Variants in ZNF223 observed in about 807,000 individuals in gnomAD.
ZNF223 encodes zinc finger protein 223, also known as Homo sapiens zinc finger protein 223.
In ZNF223, 9 loss-of-function variants were observed where a neutral mutation model predicts 12.3. The observed-to-expected ratio is 0.73, with a 90% CI of 0.44 to 1.28. The LOEUF (loss-of-function observed/expected upper bound fraction) is 1.28. ZNF223 is among the 50% of genes most tolerant of loss of function. The pLI is 0.00. For missense variants in ZNF223, 506 were observed against 579.0 expected, an observed-to-expected ratio of 0.87 and a Z score of 1.29; for synonymous variants, 171 against 195.2, an observed-to-expected ratio of 0.88 and a Z score of 1.03.
At chr19:44,061,060 A>G (rs1976832426) in intron 4 of ZNF223, 3 of 499,504 alleles carry the variant, frequency 6.0e-6, no homozygotes, top group African/African-American at 1.9e-5. Context: ...TCAGATTGTC[A>G]TTCCTCAGCT....
rs1363652779 is a variant in ZNF223 at position 44,067,859 on chromosome 19, C to G, written c.*582C>G. The G allele has an allele frequency of 1.1e-5, 2 of 182,374 alleles. No individual in the cohort carries two copies. Among genetic ancestry groups the G allele is most frequent in the African/African-American group, 4.8e-5 (2 of 42,040 alleles). 11.3% of individuals were successfully genotyped at this position (182,374 alleles called of 1,614,324 possible). ...ATGTGTCTTTGTATTTTTGCTGCAT[C>G]CTTACATTGCTTGAGTCTGGAAGAT... On this transcript the variant is annotated 3_prime_UTR_variant, in exon 5 of 5. Transcript: ENST00000434772.
intron 4 of ZNF223, among the ~76,000 whole-genome samples, chr19:44,061,919 T>C (rs1364431789): frequency 6.6e-6 from 1 of 152,242 alleles, no homozygotes; most frequent in Non-Finnish European, 1.5e-5. Flanking sequence ...AATACCATCC[T>C]ATCTTTACTT....
chr19:44,053,672 C>T (rs1189420855), intron 1 of ZNF223, among the ~76,000 whole-genome samples: 4 of 152,142 alleles, frequency 2.6e-5, no homozygotes, highest in Non-Finnish European at 5.9e-5. Context: ...CAGCACAGAC[C>T]CCTTATGGGT....
rs1599872389 is a variant in ZNF223 at position 44,066,577 on chromosome 19, A to C, written c.749A>C (p.His250Pro). 2.5e-6 allele frequency: 4 copies of C among 1,614,212 alleles called. No individual in the cohort carries two copies. The highest frequency in any genetic ancestry group is 3.4e-6 in the Non-Finnish European group (4 of 1,180,022). The stretch of plus-strand genomic sequence containing the variant: ...AGATGTAGATCAGCACTTACAGTTC[A>C]TTGCAAATTACACATGGGAGAGAAA... ...GFRCRSALTV[H>P]CKLHMGEKHY... is the part of the protein sequence containing the mutation. The change falls in exon 5 of 5, where the codon CAT becomes CCT. Residue 250 changes from histidine (H) to proline (P), a missense_variant. Physicochemically the swap from His to Pro is moderately conservative, Grantham distance 77. Coordinates refer to ENST00000434772, the MANE Select transcript of ZNF223 (RefSeq NM_013361.6).
rs140718832 is a variant in ZNF223, at chr19:44,067,674, G to A, written c.*397G>A. 1.0e-4 allele frequency: 40 copies of A among 382,686 alleles called. No homozygotes were observed. The highest frequency in any genetic ancestry group is 6.2e-4 in the African/African-American group (30 of 48,374). 23.7% of individuals were successfully genotyped at this position (382,686 alleles called of 1,614,324 possible). The stretch of plus-strand genomic sequence containing the variant: ...CATAGCTCAGCATACCCCAGTGGTC[G>A]TGGGACTGTCAGAGCAGAGAATGCT... On this transcript the variant is annotated 3_prime_UTR_variant, in exon 5 of 5. Coordinates refer to ENST00000434772, the MANE Select transcript of ZNF223 (RefSeq NM_013361.6).
At chr19:44,062,693 C>T (rs1477048714) in intron 4 of ZNF223, among the ~76,000 whole-genome samples, 1 of 151,950 alleles carries the variant, frequency 6.6e-6, no homozygotes, top group Non-Finnish European at 1.5e-5. Context: ...TTCCCTGGGA[C>T]CTACCCTGGA....
At chr19:44,063,731 C>G (rs1976871323) in intron 4 of ZNF223, among the ~76,000 whole-genome samples, 2 of 152,178 alleles carry the variant, frequency 1.3e-5, no homozygotes, top group Admixed American at 1.3e-4. Flanking sequence ...TCTCTGCTCA[C>G]CGCTCAGCGA....
intron 1 of ZNF223, among the ~76,000 whole-genome samples, chr19:44,053,802 C>A (rs944757732): frequency 3.3e-5 from 5 of 152,224 alleles, no homozygotes; most frequent in African/African-American, 1.2e-4. Flanking sequence ...CTGTGGCCTT[C>A]CGCAGTGTAT....
chr19:44,060,498 A>T lies in ZNF223; in HGVS notation c.59A>T (p.Glu20Val). 1 of 1,614,124 alleles carries T rather than the reference A, an allele frequency of 6.2e-7. No individual in the cohort carries two copies. Among genetic ancestry groups the T allele is most frequent in the Non-Finnish European group, 8.5e-7 (1 of 1,180,008 alleles). The change falls in exon 3 of 5, where the codon GAG (glutamate) becomes GTG (valine). Residue 20 changes from glutamate (E) to valine (V), a missense_variant. Coordinates refer to ENST00000434772, the MANE Select transcript of ZNF223 (RefSeq NM_013361.6). ...GATGTGGCAGTGGTCTTCACTGAGGAGGAGCTGGGGCTGCTGGACCTTGCC... is the reference window on the plus strand; with the variant it reads ...GATGTGGCAGTGGTCTTCACTGAGGTGGAGCTGGGGCTGCTGGACCTTGCC... ...FKDVAVVFTE[E>V]ELGLLDLAQR...
In ZNF223 at chr19:44,066,069, A is replaced by C; in HGVS notation, c.241A>C (p.Lys81Gln). The C allele has an allele frequency of 6.3e-7, 1 of 1,586,364 alleles. No individual in the cohort carries two copies. The highest frequency in any genetic ancestry group is 1.2e-5 in the South Asian group (1 of 86,050). Residue 81 changes from lysine (K) to glutamine (Q), a missense_variant, in exon 5 of 5, where the codon AAG becomes CAG. Lys to Gln is a moderately conservative substitution (Grantham distance 53). Coordinates refer to ENST00000434772, the MANE Select transcript of ZNF223 (RefSeq NM_013361.6). ...ATQREGNSGGKIQPEMKTFPE... is the reference protein window; with the variant it reads ...ATQREGNSGGQIQPEMKTFPE... ...TTAATTTTGTATTCTGATAGGAGGCAAGATCCAACCTGAGATGAAGACTTT... is the reference window on the plus strand; with the variant it reads ...TTAATTTTGTATTCTGATAGGAGGCCAGATCCAACCTGAGATGAAGACTTT...
At chr19:44,053,941 CAT>C (rs1301918588) in intron 1 of ZNF223, among the ~76,000 whole-genome samples, 2 of 152,210 alleles carry the variant, frequency 1.3e-5, no homozygotes, top group Non-Finnish European at 1.5e-5. Flanking sequence ...CAATACAACA[CAT>C]GTTTCTGCGA....
At chr19:44,055,237 C>T in intron 2 of ZNF223, 46 bp downstream of exon 2, 2 of 1,606,102 alleles carry the variant, frequency 1.2e-6, no homozygotes, top group Non-Finnish European at 1.7e-6. Context: ...CATCTCACTA[C>T]TCAGATTGTT....
chr19:44,061,005 T>A, intron 4 of ZNF223, 164 bp downstream of exon 4: 1 of 632,986 alleles, frequency 1.6e-6, no homozygotes, highest in Non-Finnish European at 2.8e-6. Flanking sequence ...CACTCTGACA[T>A]CTGTTCTCCT....
rs373333729 is a variant in ZNF223 at position 44,061,133 on chromosome 19, G to A, written c.235+292G>A. On this transcript the variant is annotated intron_variant, in intron 4 of 4. Transcript: ENST00000434772. Reference sequence around the variant, plus strand: ...CTTTAAGTTGCTTCTAGAAACCCCTGTGGTCTACTCTTCATTTTTCACTGC... The same window carrying A: ...CTTTAAGTTGCTTCTAGAAACCCCTATGGTCTACTCTTCATTTTTCACTGC... 6.6e-5 allele frequency among the ~76,000 whole-genome samples: 10 copies of A among 152,192 alleles called. No individual in the cohort carries two copies. In the South Asian group the frequency reaches 1.5e-3, roughly 22 times the overall value.
chr19:44,057,032 G>T (rs933890392), intron 2 of ZNF223, among the ~76,000 whole-genome samples: 7 of 152,116 alleles, frequency 4.6e-5, no homozygotes, highest in African/African-American at 1.4e-4. Flanking sequence ...TTGGAACAAA[G>T]AATACTAAAA....
rs145320117 is a variant in ZNF223 at position 44,067,254 on chromosome 19, T to G, written c.1426T>G (p.Ser476Ala). The G allele has an allele frequency of 7.2e-5, 116 of 1,607,828 alleles. No individual in the cohort carries two copies. The highest frequency in any genetic ancestry group is 1.0e-4 in the Admixed American group (6 of 58,606). ...GCGCTTGAATCTTGATATAATTTTA[T>G]CATTATTTTTAAATGACACGTAAGT... ...KRRLNLDIIL[S>A]LFLNDT Residue 476 changes from serine (S) to alanine (A), a missense_variant, in exon 5 of 5, where the codon TCA (serine) becomes GCA (alanine). Physicochemically the swap from Ser to Ala is moderately conservative, Grantham distance 99. Transcript: ENST00000434772.
Position 44,067,739 on chromosome 19 carries a change from C to A in ZNF223, c.*462C>A. ...AGAAGTTTGACAATTAGTTATTATT[C>A]AGGAGACAGGTCTTAGTATAAGAGT... is the stretch of plus-strand genomic sequence containing the variant. On this transcript the variant is annotated 3_prime_UTR_variant, in exon 5 of 5. Coordinates refer to ENST00000434772, the MANE Select transcript of ZNF223 (RefSeq NM_013361.6). 3.5e-6 allele frequency: 1 copy of A among 282,718 alleles called. No individual in the cohort carries two copies. The allele number at this position is 282,718 out of a possible 1,614,324, so 17.5% of individuals were successfully genotyped here.
At chr19:44,057,696 A>G (rs1976786811) in intron 2 of ZNF223, among the ~76,000 whole-genome samples, 1 of 152,208 alleles carries the variant, frequency 6.6e-6, no homozygotes, top group South Asian at 2.1e-4. Context: ...CAGAATGTGC[A>G]CTGAGGCATT....
chr19:44,052,481 A>G (rs904905849), intron 1 of ZNF223, among the ~76,000 whole-genome samples: 2 of 152,194 alleles, frequency 1.3e-5, no homozygotes, highest in African/African-American at 4.8e-5. Context: ...ATTGAAAGAG[A>G]TAATACAAAT....
Sources: gnomAD v4.1 joint callset for allele counts (sites outside exome capture counted in the v4.1 genomes callset) on GRCh38, gnomAD v4.1.1 for gene constraint, MANE v1.5 for transcripts, NCBI Gene and HGNC (gene_info 2026-07-23, HGNC 2026-07-21) for gene names.